STRBP: variants seen among roughly 807,000 people sequenced by gnomAD.
STRBP encodes the protein spermatid perinuclear RNA binding protein, also known as spermatid perinuclear RNA-binding protein.
A neutral mutation model predicts 80.1 loss-of-function variants in STRBP; 13 were observed. The observed-to-expected ratio is 0.16, with a 90% CI of 0.11 to 0.26. The LOEUF is 0.26. Among genes scored for constraint, STRBP ranks in the 10% least tolerant of loss-of-function variants. The pLI is 1.00. For synonymous variants in STRBP, 284 were observed against 291.2 expected, an observed-to-expected ratio of 0.98 and a Z score of 0.25; for missense variants, 485 against 815.2, an observed-to-expected ratio of 0.59 and a Z score of 4.93.
chr9:123,220,728 A>C (rs985796710), intron 2 of STRBP, among the ~76,000 whole-genome samples: 2 of 152,144 alleles, frequency 1.3e-5, no homozygotes, highest in Admixed American at 1.3e-4. Flanking sequence ...TGTATAACTA[A>C]CCTCCAAATA....
chr9:123,256,330 C>T (rs1488938394), intron 1 of STRBP, among the ~76,000 whole-genome samples: 1 of 152,110 alleles, frequency 6.6e-6, no homozygotes, highest in Non-Finnish European at 1.5e-5. Flanking sequence ...CCTATTTCCA[C>T]TACCTTTATT....
chr9:123,194,409 T>A (rs1472693972), intron 2 of STRBP, among the ~76,000 whole-genome samples: 1 of 152,080 alleles, frequency 6.6e-6, no homozygotes, highest in African/African-American at 2.4e-5. Context: ...CTCTCTTTCC[T>A]CTCCTGTATC....
intron 2 of STRBP, among the ~76,000 whole-genome samples, chr9:123,187,753 A>G (rs1183079183): frequency 2.2e-4 from 11 of 48,994 alleles, no homozygotes; most frequent in Admixed American, 2.0e-3. Context: ...TCTTCTCCCC[A>G]CCACCCACCA....
rs2132559804 is a variant in STRBP, at chr9:123,223,345, G to A, written c.-165+13485C>T. Reference sequence around the variant, plus strand: ...AACTGTATAACAGAATGAACATTATGCAAATTATACTTTAAATAATAACAT... The same window carrying A: ...AACTGTATAACAGAATGAACATTATACAAATTATACTTTAAATAATAACAT... On this transcript the variant is annotated intron_variant, in intron 2 of 18. Transcript: ENST00000348403. Among the ~76,000 whole-genome samples the A allele has an allele frequency of 1.3e-5, 2 of 152,154 alleles. 1 individual carries two copies. Among genetic ancestry groups the A allele is most frequent in the South Asian group, 4.1e-4 (2 of 4,828 alleles).
intron 11 of STRBP, among the ~76,000 whole-genome samples, chr9:123,157,728 C>T (rs906289669): frequency 6.6e-6 from 1 of 151,920 alleles, no homozygotes; most frequent in Non-Finnish European, 1.5e-5. Flanking sequence ...ACCATCAGAT[C>T]CTGTGAGAAC....
chr9:123,178,991 G>T lies in STRBP; in HGVS notation c.224+16C>A, dbSNP rs756501687. On this transcript the variant is annotated intron_variant, in intron 4 of 18. Transcript: ENST00000348403. Reference sequence around the variant, plus strand: ...TGCACTCTAGCACAGCGTCCCAGAGGTCAGTCCACACTCACTTGGAATAGT... The same window carrying T: ...TGCACTCTAGCACAGCGTCCCAGAGTTCAGTCCACACTCACTTGGAATAGT... 6.2e-7 allele frequency: 1 copy of T among 1,612,426 alleles called. No homozygotes were observed. Among genetic ancestry groups the T allele is most frequent in the South Asian group, 1.1e-5 (1 of 91,020 alleles).
intron 17 of STRBP, among the ~76,000 whole-genome samples, chr9:123,129,225 T>C (rs1327949831): frequency 6.6e-6 from 1 of 151,956 alleles, no homozygotes; most frequent in Non-Finnish European, 1.5e-5. Context: ...GGTATGGTGG[T>C]GCATGCCTGT....
intron 8 of STRBP, among the ~76,000 whole-genome samples, chr9:123,160,087 G>A (rs1437153831): frequency 1.3e-5 from 2 of 152,178 alleles, no homozygotes; most frequent in African/African-American, 4.8e-5. Context: ...GCAAAGTCAA[G>A]TGTAAGAAGA....
intron 1 of STRBP, among the ~76,000 whole-genome samples, chr9:123,261,348 C>T (rs1456487864): frequency 1.3e-5 from 2 of 152,210 alleles, no homozygotes; most frequent in Non-Finnish European, 2.9e-5. Context: ...AATTCAGAAA[C>T]TAACATGAAT....
chr9:123,154,251 T>A (rs1236503475), intron 11 of STRBP, among the ~76,000 whole-genome samples: 1 of 152,232 alleles, frequency 6.6e-6, no homozygotes, highest in Non-Finnish European at 1.5e-5. Context: ...GTGGATACTA[T>A]ATACCTATTA....
At chr9:123,255,835 C>A (rs943315516) in intron 1 of STRBP, among the ~76,000 whole-genome samples, 2 of 152,020 alleles carry the variant, frequency 1.3e-5, no homozygotes, top group Non-Finnish European at 2.9e-5. Context: ...CACCTGCAAA[C>A]GTTATACCAA....
intron 3 of STRBP, chr9:123,180,853 A>G (rs2038427252): frequency 2.3e-6 from 2 of 868,190 alleles, no homozygotes; most frequent in South Asian, 1.1e-4. Flanking sequence ...AGCTGGTTAT[A>G]CTGTCTTTAC....
Position 123,204,499 on chromosome 9 carries a change from G to A in STRBP, c.-164-20201C>T, listed in dbSNP as rs144968290. Among the ~76,000 whole-genome samples, 23 of 152,262 alleles carry A rather than the reference G, an allele frequency of 1.5e-4. No individual in the cohort carries two copies. In the East Asian group the frequency reaches 2.1e-3, roughly 14 times the overall value. On this transcript the variant is annotated intron_variant, in intron 2 of 18. Coordinates refer to ENST00000348403, the MANE Select transcript of STRBP (RefSeq NM_018387.5). ...TAGCACCAGAATAGTACATGACTCC[G>A]TAGCTATTTATTTTCTTCTAACTAA...
chr9:123,215,716 C>T lies in STRBP; in HGVS notation c.-165+21114G>A, dbSNP rs571953829. ...AGGAGAATCGTTTGAACCCAGGAGG[C>T]GGAGTTGCAGTGAGCTGAGATCGTG... On this transcript the variant is annotated intron_variant, in intron 2 of 18. Coordinates refer to ENST00000348403, the MANE Select transcript of STRBP (RefSeq NM_018387.5). Among the ~76,000 whole-genome samples the T allele has an allele frequency of 7.2e-5, 11 of 152,176 alleles. No homozygotes were observed. The South Asian group carries it at 1.9e-3, about 26-fold the overall frequency.
intron 1 of STRBP, among the ~76,000 whole-genome samples, chr9:123,251,175 T>C (rs1396070403): frequency 2.6e-5 from 4 of 152,102 alleles, no homozygotes; most frequent in Non-Finnish European, 5.9e-5. Context: ...CTTTTCTTTT[T>C]TCTTTCTTTC....
chr9:123,135,815 A>C, intron 16 of STRBP: 1 of 393,216 alleles, frequency 2.5e-6, no homozygotes, highest in Non-Finnish European at 4.6e-6. Flanking sequence ...ATATACATAT[A>C]AATATAAATA....
At chr9:123,116,074 C>G (rs551787355) in exon 3 of STRBP, 2 of 456,224 alleles carry the variant, frequency 4.4e-6, no homozygotes, top group African/African-American at 4.0e-5. Flanking sequence ...CAGATGATGG[C>G]TACCATATTC....
intron 1 of STRBP, among the ~76,000 whole-genome samples, chr9:123,251,529 A>G (rs2040917437): frequency 6.6e-6 from 1 of 152,180 alleles, no homozygotes; most frequent in Non-Finnish European, 1.5e-5. Flanking sequence ...TGGAAATCAA[A>G]CCTGTCACTT....
Position 123,132,828 on chromosome 9 carries a change from T to A in STRBP, c.1897+17A>T. On this transcript the variant is annotated intron_variant, in intron 17 of 18. Coordinates refer to ENST00000348403, the MANE Select transcript of STRBP (RefSeq NM_018387.5). Reference sequence around the variant, plus strand: ...GGCCCAGTAAAGGGGGCCAATCTCTTGCAGTTTGTACTATACCTGGAGCTA... The same window carrying A: ...GGCCCAGTAAAGGGGGCCAATCTCTAGCAGTTTGTACTATACCTGGAGCTA... 3 of 1,613,122 alleles carry A rather than the reference T, an allele frequency of 1.9e-6. No homozygotes were observed. The highest frequency in any genetic ancestry group is 2.5e-6 in the Non-Finnish European group (3 of 1,179,614).
Sources: gnomAD v4.1 joint callset for allele counts (sites outside exome capture counted in the v4.1 genomes callset) on GRCh38, gnomAD v4.1.1 for gene constraint, MANE v1.5 for transcripts, NCBI Gene and HGNC (gene_info 2026-07-23, HGNC 2026-07-21) for gene names.